The following RAB28 variants were observed in gnomAD, a reference collection of about 807,000 sequenced individuals.
RAB28 encodes the protein ras-related protein Rab-28.
In RAB28, 24 loss-of-function variants were observed where a neutral mutation model predicts 31.7. The ratio of observed to expected loss-of-function variants is 0.76; its 90% CI spans 0.55 to 1.06. The LOEUF (loss-of-function observed/expected upper bound fraction) is 1.06, where lower values mean the gene tolerates loss of function less well. Ranked by LOEUF, RAB28 falls within the 50% of genes least tolerant of loss-of-function variation. RAB28 has a pLI of 0.00. For synonymous variants in RAB28, 100 were observed against 90.4 expected (o/e 1.11, Z -0.60); for missense variants, 254 against 258.5 (o/e 0.98, Z 0.12).
intron 4 of RAB28, among the ~76,000 whole-genome samples, chr4:13,440,498 TA>T (rs1396292336): frequency 1.3e-5 from 2 of 152,152 alleles, no homozygotes; most frequent in Non-Finnish European, 2.9e-5. Context: ...TTTATATATA[TA>T]AAACCTGTCT....
intron 4 of RAB28, among the ~76,000 whole-genome samples, chr4:13,427,607 G>C (rs539184036): frequency 6.6e-6 from 1 of 152,192 alleles, no homozygotes; most frequent in Admixed American, 6.5e-5. Context: ...AAAAGGTCCA[G>C]AAATCTGTAT....
intron 2 of RAB28, among the ~76,000 whole-genome samples, chr4:13,478,950 G>A (rs1403000904): frequency 6.6e-6 from 1 of 151,590 alleles, no homozygotes; most frequent in Admixed American, 6.6e-5. Flanking sequence ...GCAATTTCAT[G>A]CTGCCTTGCA....
chr4:13,410,944 C>A (rs1233975475), intron 4 of RAB28, among the ~76,000 whole-genome samples: 1 of 151,956 alleles, frequency 6.6e-6, no homozygotes, highest in Non-Finnish European at 1.5e-5. Context: ...AACAAGTGCA[C>A]CTAAATTTTC....
chr4:13,424,633 T>G (rs1251525434), intron 4 of RAB28, among the ~76,000 whole-genome samples: 1 of 152,200 alleles, frequency 6.6e-6, no homozygotes, highest in Non-Finnish European at 1.5e-5. Flanking sequence ...CCTATTTCAC[T>G]GAGAAACTAC....
At chr4:13,395,356 C>T (rs1204424188) in intron 4 of RAB28, among the ~76,000 whole-genome samples, 2 of 152,020 alleles carry the variant, frequency 1.3e-5, no homozygotes, top group Non-Finnish European at 2.9e-5. Context: ...GCTGTACATA[C>T]AAGTTGTGAA....
At chr4:13,446,784 G>C (rs1714720944) in intron 4 of RAB28, among the ~76,000 whole-genome samples, 1 of 152,024 alleles carries the variant, frequency 6.6e-6, no homozygotes, top group African/African-American at 2.4e-5. Context: ...ACAGGACCCT[G>C]TTTCTACTCG....
intron 4 of RAB28, among the ~76,000 whole-genome samples, chr4:13,436,446 C>T (rs909858974): frequency 6.6e-6 from 1 of 152,038 alleles, no homozygotes; most frequent in African/African-American, 2.4e-5. Flanking sequence ...TAATCCTATA[C>T]CTAGAAAACC....
intron 4 of RAB28, among the ~76,000 whole-genome samples, chr4:13,396,976 G>T (rs1201566243): frequency 6.6e-6 from 1 of 151,986 alleles, no homozygotes; most frequent in Non-Finnish European, 1.5e-5. Flanking sequence ...GTTACATGCA[G>T]CTAAAAACAA....
intron 1 of RAB28, among the ~76,000 whole-genome samples, 171 bp from the exon 2 acceptor site, chr4:13,479,697 A>C (rs1011313008): frequency 5.3e-5 from 8 of 151,716 alleles, no homozygotes; most frequent in African/African-American, 1.7e-4. Context: ...CCACCAGGTA[A>C]ATTTTACTTG....
At chr4:13,443,792 T>G (rs967771327) in intron 4 of RAB28, among the ~76,000 whole-genome samples, 1 of 152,146 alleles carries the variant, frequency 6.6e-6, no homozygotes, top group South Asian at 2.1e-4. Context: ...CCAGAACTTA[T>G]TCATCCTAAG....
intron 4 of RAB28, among the ~76,000 whole-genome samples, chr4:13,434,080 A>G (rs1300048233): frequency 6.6e-6 from 1 of 152,194 alleles, no homozygotes; most frequent in Non-Finnish European, 1.5e-5. Context: ...CAAATACCAC[A>G]TGTTCTCACT....
chr4:13,481,112 T>G (rs1716585917), intron 1 of RAB28, among the ~76,000 whole-genome samples: 1 of 151,976 alleles, frequency 6.6e-6, no homozygotes, highest in African/African-American at 2.4e-5. Context: ...AATCTCAGAG[T>G]TCAATATTTT....
intron 1 of RAB28, among the ~76,000 whole-genome samples, chr4:13,480,666 C>T (rs540633525): frequency 7.2e-5 from 11 of 151,968 alleles, no homozygotes; most frequent in Non-Finnish European, 1.3e-4. Flanking sequence ...GACACCATAA[C>T]TCCAAATATT....
chr4:13,461,829 G>T (rs1356044597), intron 3 of RAB28, among the ~76,000 whole-genome samples: 1 of 152,124 alleles, frequency 6.6e-6, no homozygotes, highest in African/African-American at 2.4e-5. Flanking sequence ...GGTTGTAACA[G>T]TAGTAATCAA....
chr4:13,470,497 A>G (rs1478257523), intron 3 of RAB28, among the ~76,000 whole-genome samples: 6 of 152,066 alleles, frequency 3.9e-5, no homozygotes, highest in South Asian at 2.1e-4. Context: ...ACTGGCACAC[A>G]ATAGTAGTTA....
rs1235269131 is a variant in RAB28 at position 13,391,560 on chromosome 4, T to C, written c.392-9966A>G. On this transcript the variant is annotated intron_variant, in intron 4 of 6. Transcript: ENST00000330852. ...CCCAGTGATCCCACTACTGGCTATA[T>C]ACCCAAAGGATTATAAATCACGCTA... is the stretch of plus-strand genomic sequence containing the variant. 5.3e-5 allele frequency among the ~76,000 whole-genome samples: 8 copies of C among 152,308 alleles called. No homozygotes were observed. In the South Asian group the frequency reaches 6.2e-4, roughly 12 times the overall value.
At chr4:13,452,075 T>G (rs1057389142) in intron 4 of RAB28, among the ~76,000 whole-genome samples, 1 of 151,968 alleles carries the variant, frequency 6.6e-6, no homozygotes, top group Admixed American at 6.6e-5. Context: ...AAACTGTGTA[T>G]AGTTGTTCAC....
chr4:13,424,865 C>G (rs962714975), intron 4 of RAB28, among the ~76,000 whole-genome samples: 2 of 152,120 alleles, frequency 1.3e-5, no homozygotes, highest in African/African-American at 4.8e-5. Flanking sequence ...TATTTCATTT[C>G]TATCAGCATG....
chr4:13,429,671 C>G (rs1006007579), intron 4 of RAB28, among the ~76,000 whole-genome samples: 1 of 152,064 alleles, frequency 6.6e-6, no homozygotes, highest in Non-Finnish European at 1.5e-5. Flanking sequence ...GTTAATAGAT[C>G]GGAAGAAAAT....
Sources: allele counts gnomAD v4.1 joint callset (sites outside exome capture counted in the v4.1 genomes callset), GRCh38; gene constraint gnomAD v4.1.1; transcripts MANE v1.5; gene names NCBI Gene and HGNC (gene_info 2026-07-23, HGNC 2026-07-21).